The following SUGP1 variants were observed in gnomAD, a reference collection of about 807,000 sequenced individuals.
SUGP1 encodes SURP and G-patch domain-containing protein 1.
In SUGP1, 34 loss-of-function variants were observed where a neutral mutation model predicts 76.5. The observed-to-expected ratio is 0.44, with a 90% CI of 0.34 to 0.59. SUGP1 has a LOEUF of 0.59. Among genes scored for constraint, SUGP1 ranks in the 20% least tolerant of loss-of-function variants. SUGP1 has a pLI of 0.01. For missense variants in SUGP1, 752 were observed against 851.7 expected (o/e 0.88, Z 1.46); for synonymous variants, 326 against 326.2 (o/e 1.00, Z 0.01).
At chr19:19,313,614 T>C (rs1406830944) in intron 2 of SUGP1, among the ~76,000 whole-genome samples, 2 of 151,668 alleles carry the variant, frequency 1.3e-5, no homozygotes, top group Non-Finnish European at 2.9e-5. Context: ...GAGGCTGAGG[T>C]GGGAAGATAG....
intron 6 of SUGP1, among the ~76,000 whole-genome samples, chr19:19,302,884 C>A (rs988497584): frequency 6.6e-6 from 1 of 152,146 alleles, no homozygotes; most frequent in African/African-American, 2.4e-5. Context: ...CAGTATTTCC[C>A]CTTCCCCTGA....
chr19:19,302,230 G>A (rs1273988894), intron 7 of SUGP1, 35 bp downstream of exon 7: 18 of 1,612,214 alleles, frequency 1.1e-5, no homozygotes, highest in Non-Finnish European at 1.4e-5. Flanking sequence ...CTGTGGCCAG[G>A]GTGACGGTCA....
At position 19,292,775 on chromosome 19, in the gene SUGP1, A is replaced by G. The variant is rs191864924; in HGVS notation, c.1243+4214T>C. On this transcript the variant is annotated intron_variant, in intron 8 of 13. Transcript: ENST00000247001. ...GAAACCAAATTCAGCAGCTTATGAA[A>G]GGATTATACACCATGACCAAGTGGG... Among the ~76,000 whole-genome samples the G allele has an allele frequency of 5.2e-3, 797 of 152,352 alleles. 1 individual carries two copies. The highest frequency in any genetic ancestry group is 8.3e-3 in the Non-Finnish European group (566 of 68,030).
chr19:19,287,951 C>T (rs2061153829), intron 8 of SUGP1, among the ~76,000 whole-genome samples: 1 of 152,234 alleles, frequency 6.6e-6, no homozygotes, highest in African/African-American at 2.4e-5. Context: ...CCAACCCCTA[C>T]TCTTCTTCCT....
intron 2 of SUGP1, among the ~76,000 whole-genome samples, chr19:19,315,966 G>A (rs1363570044): frequency 1.3e-5 from 2 of 152,006 alleles, no homozygotes; most frequent in East Asian, 1.9e-4. Context: ...TGAGCAGCTG[G>A]GACTACAGGC....
intron 8 of SUGP1, among the ~76,000 whole-genome samples, chr19:19,284,443 A>G (rs1318266871): frequency 6.6e-6 from 1 of 152,276 alleles, no homozygotes; most frequent in African/African-American, 2.4e-5. Context: ...AAATGAATCC[A>G]GCATAAGGAC....
chr19:19,316,480 T>C lies in SUGP1; in HGVS notation c.148A>G (p.Met50Val). 1 of 1,613,862 alleles carries C rather than the reference T, an allele frequency of 6.2e-7. No individual in the cohort carries two copies. ...AQKKREIEAK[M>V]EQKAKQNQVA... Reference sequence around the variant, plus strand: ...TGATTCTGCTTGGCTTTCTGTTCCATTTTGGCTTCAATTTCCCGTTTCTTC... The same window carrying C: ...TGATTCTGCTTGGCTTTCTGTTCCACTTTGGCTTCAATTTCCCGTTTCTTC... Residue 50 changes from methionine to valine, a missense_variant, in exon 2 of 14, where the codon ATG becomes GTG. Met to Val is a conservative substitution (Grantham distance 21). Transcript: ENST00000247001.
intron 6 of SUGP1, 47 bp from the exon 7 acceptor site, chr19:19,302,435 G>C (rs751725531): frequency 6.3e-7 from 1 of 1,593,014 alleles, no homozygotes; most frequent in Non-Finnish European, 8.6e-7. Context: ...ACACCCAACA[G>C]CCTAATTTCT....
At position 19,297,131 on chromosome 19, in the gene SUGP1, T is replaced by C. The variant is rs764761779; in HGVS notation, c.1101A>G (p.Pro367=). ...CGGAGGCTGGCTTCCCGGGGGCAGCTGGAGCAGGGATGATAGTGGGCGCAG... is the reference window on the plus strand; with the variant it reads ...CGGAGGCTGGCTTCCCGGGGGCAGCCGGAGCAGGGATGATAGTGGGCGCAG... ...STPAPTIIPA[P]AAPGKPASAA... Residue 367 remains proline, a synonymous_variant, in exon 8 of 14, where the codon CCA becomes CCG. Coordinates refer to ENST00000247001, the MANE Select transcript of SUGP1 (RefSeq NM_172231.4). 3.1e-6 allele frequency: 5 copies of C among 1,613,870 alleles called. No individual in the cohort carries two copies. The highest frequency in any genetic ancestry group is 4.2e-6 in the Non-Finnish European group (5 of 1,179,888).
In SUGP1 at chr19:19,276,305, C is replaced by A; in HGVS notation, c.*343G>T. The A allele has an allele frequency of 4.0e-6, 1 of 250,724 alleles. No homozygotes were observed. The highest frequency in any genetic ancestry group is 5.6e-5 in the South Asian group (1 of 17,846). The allele number at this position is 250,724 out of a possible 1,614,324, so 15.5% of individuals were successfully genotyped here. Reference sequence around the variant, plus strand: ...ACCTCCAGTGATCCGCCCGCCTTGGCCTCTCAAAGTGCTGGGATGACAGGG... The same window carrying A: ...ACCTCCAGTGATCCGCCCGCCTTGGACTCTCAAAGTGCTGGGATGACAGGG... On this transcript the variant is annotated 3_prime_UTR_variant, in exon 14 of 14. Coordinates refer to ENST00000247001, the MANE Select transcript of SUGP1 (RefSeq NM_172231.4).
At chr19:19,286,101 G>C (rs2146597087) in intron 8 of SUGP1, among the ~76,000 whole-genome samples, 1 of 152,212 alleles carries the variant, frequency 6.6e-6, no homozygotes, top group African/African-American at 2.4e-5. Context: ...AAAAATGCCT[G>C]GACAACAAAA....
intron 2 of SUGP1, among the ~76,000 whole-genome samples, chr19:19,310,732 C>T (rs536425674): frequency 2.8e-4 from 43 of 152,322 alleles, no homozygotes; most frequent in African/African-American, 8.4e-4. Flanking sequence ...CAACCTCCTC[C>T]ACCCAGGCTC....
intron 1 of SUGP1, among the ~76,000 whole-genome samples, 176 bp from the exon 2 acceptor site, chr19:19,316,769 G>A (rs909737053): frequency 3.3e-5 from 5 of 152,096 alleles, no homozygotes; most frequent in African/African-American, 1.2e-4. Context: ...CTTACTACGT[G>A]CTATGCAAGA....
intron 10 of SUGP1, 28 bp downstream of exon 10, chr19:19,279,185 G>T: frequency 4.8e-6 from 6 of 1,244,402 alleles, no homozygotes; most frequent in Non-Finnish European, 6.8e-6. Flanking sequence ...GCCCAGCCCA[G>T]CCCGGCCCAC....
chr19:19,297,385 G>A (rs1568627070), intron 7 of SUGP1, 41 bp from the exon 8 acceptor site: 4 of 1,256,676 alleles, frequency 3.2e-6, no homozygotes, highest in African/African-American at 1.7e-5. Context: ...AGCTGGGCCC[G>A]AGGCCCTGTC....
chr19:19,303,348 C>A lies in SUGP1; in HGVS notation c.763G>T (p.Val255Phe), dbSNP rs981380888. ...AQKSQAASQK[V>F]SPPEDEEVKN... ...TCTCCCACCCGCTCCGTCCACCTACCTTTCTGAGAGGCTGCCTGCGACTTC... is the reference window on the plus strand; with the variant it reads ...TCTCCCACCCGCTCCGTCCACCTACATTTCTGAGAGGCTGCCTGCGACTTC... The change falls in exon 6 of 14, where the codon GTT becomes TTT. Residue 255 changes from valine to phenylalanine, a missense_variant and splice_region_variant. Coordinates refer to ENST00000247001, the MANE Select transcript of SUGP1 (RefSeq NM_172231.4). 7 of 1,613,872 alleles carry A rather than the reference C, an allele frequency of 4.3e-6. No homozygotes were observed. In the South Asian group the frequency reaches 4.4e-5, roughly 10 times the overall value.
intron 8 of SUGP1, among the ~76,000 whole-genome samples, chr19:19,289,360 G>A (rs970052866): frequency 2.0e-5 from 3 of 152,036 alleles, no homozygotes; most frequent in African/African-American, 7.2e-5. Flanking sequence ...CCAGCACTTT[G>A]GGAGGCCGAG....
intron 8 of SUGP1, among the ~76,000 whole-genome samples, chr19:19,288,791 T>C (rs2061160518): frequency 6.6e-6 from 1 of 152,084 alleles, no homozygotes; most frequent in Non-Finnish European, 1.5e-5. Context: ...TCTCTTTTTT[T>C]TTCTTTTTTT....
intron 2 of SUGP1, among the ~76,000 whole-genome samples, 153 bp from the exon 3 acceptor site, chr19:19,310,353 C>A (rs1344958842): frequency 6.6e-6 from 1 of 152,204 alleles, no homozygotes; most frequent in African/African-American, 2.4e-5. Flanking sequence ...AACTGGCCCC[C>A]AGAGATTTCA....
Sources: gnomAD v4.1 joint callset for allele counts (sites outside exome capture counted in the v4.1 genomes callset) on GRCh38, gnomAD v4.1.1 for gene constraint, MANE v1.5 for transcripts, NCBI Gene and HGNC (gene_info 2026-07-23, HGNC 2026-07-21) for gene names.